The following CTNNA2 variants were observed in gnomAD, a reference collection of about 807,000 sequenced individuals.
CTNNA2 encodes catenin alpha-2.
CTNNA2 carries 42 observed loss-of-function variants against 101.0 expected under a neutral mutation model. That is an observed-to-expected ratio of 0.42 (90% CI 0.32 to 0.54). The LOEUF (loss-of-function observed/expected upper bound fraction) is 0.54, where lower values mean the gene tolerates loss of function less well. Ranked by LOEUF, CTNNA2 falls within the 20% of genes least tolerant of loss-of-function variation. The probability of loss-of-function intolerance (pLI) is 0.14; values close to 1 mark genes in which losing one functional copy is unlikely to be tolerated. For missense variants in CTNNA2, 871 were observed against 1,223.1 expected (o/e 0.71, Z 4.29); for synonymous variants, 450 against 456.4 (o/e 0.99, Z 0.18).
At chr2:80,384,981 G>C (rs954253076) in intron 7 of CTNNA2, among the ~76,000 whole-genome samples, 1 of 152,084 alleles carries the variant, frequency 6.6e-6, no homozygotes, top group Non-Finnish European at 1.5e-5. Flanking sequence ...GTAACCCATG[G>C]ATAGAAACTT....
intron 7 of CTNNA2, among the ~76,000 whole-genome samples, chr2:80,092,886 C>G (rs1699874020): frequency 6.6e-6 from 1 of 151,988 alleles, no homozygotes; most frequent in Non-Finnish European, 1.5e-5. Context: ...TTGTAAAACT[C>G]AAATCTTCAT....
intron 3 of CTNNA2, among the ~76,000 whole-genome samples, chr2:79,783,287 A>G (rs555956763): frequency 2.8e-4 from 42 of 152,144 alleles, no homozygotes; most frequent in Admixed American, 9.8e-4. Flanking sequence ...GACCTTTGTG[A>G]CTCAACCAAT....
intron 7 of CTNNA2, among the ~76,000 whole-genome samples, chr2:80,120,194 C>T (rs1701754366): frequency 6.6e-6 from 1 of 152,168 alleles, no homozygotes; most frequent in African/African-American, 2.4e-5. Context: ...TGATGACAGT[C>T]AATAGACTTT....
At chr2:80,157,715 A>G (rs1052248732) in intron 7 of CTNNA2, among the ~76,000 whole-genome samples, 1 of 152,142 alleles carries the variant, frequency 6.6e-6, no homozygotes, top group African/African-American at 2.4e-5. Context: ...ACCACAGAGA[A>G]AAAACAGACA....
chr2:80,501,902 G>A (rs1687911136), intron 9 of CTNNA2, among the ~76,000 whole-genome samples: 1 of 152,164 alleles, frequency 6.6e-6, no homozygotes, highest in Admixed American at 6.5e-5. Context: ...TGGGGTACCA[G>A]TACTGTTCAG....
intron 2 of CTNNA2, among the ~76,000 whole-genome samples, chr2:79,699,008 A>G (rs750044152): frequency 3.9e-5 from 6 of 152,034 alleles, no homozygotes; most frequent in African/African-American, 7.2e-5. Context: ...GGTGACCAGG[A>G]TTTTTGGTGA....
intron 12 of CTNNA2, among the ~76,000 whole-genome samples, chr2:80,566,892 G>A (rs1463378886): frequency 6.6e-6 from 1 of 152,198 alleles, no homozygotes; most frequent in African/African-American, 2.4e-5. Context: ...AATTGAAGAA[G>A]CTCTTTAGCC....
intron 2 of CTNNA2, among the ~76,000 whole-genome samples, chr2:79,243,017 C>CAT: frequency 6.8e-6 from 1 of 146,488 alleles, no homozygotes; most frequent in African/African-American, 2.5e-5. Context: ...CACACACACA[C>CAT]ACACACACAC....
chr2:80,623,558 A>G (rs924790002), intron 18 of CTNNA2, among the ~76,000 whole-genome samples: 1 of 151,984 alleles, frequency 6.6e-6, no homozygotes, highest in Non-Finnish European at 1.5e-5. Flanking sequence ...TTGGACATCA[A>G]AGAAATTCTT....
At chr2:79,279,427 C>T (rs114232039) in intron 2 of CTNNA2, among the ~76,000 whole-genome samples, 1,609 of 152,110 alleles carry the variant, frequency 0.011, 22 homozygotes, top group African/African-American at 0.036. Flanking sequence ...ATGGGGTCTG[C>T]GCAGGTGAGT....
chr2:80,298,633 T>TCAAAA (rs1329345836), intron 7 of CTNNA2: 10 of 152,252 alleles, frequency 6.6e-5, no homozygotes, highest in Non-Finnish European at 1.3e-4. Context: ...TTACATATAC[T>TCAAAA]CATAAATGTG....
intron 1 of CTNNA2, among the ~76,000 whole-genome samples, chr2:79,520,165 A>T (rs1672027922): frequency 6.6e-6 from 1 of 152,232 alleles, no homozygotes; most frequent in Non-Finnish European, 1.5e-5. Flanking sequence ...TTAAGTGAAT[A>T]CTTTGTTGTG....
At chr2:79,731,651 G>A (rs576056315) in intron 2 of CTNNA2, among the ~76,000 whole-genome samples, 1 of 152,158 alleles carries the variant, frequency 6.6e-6, no homozygotes, top group South Asian at 2.1e-4. Context: ...CATTGCTAGT[G>A]GAGGCTTGGT....
intron 1 of CTNNA2, among the ~76,000 whole-genome samples, chr2:79,197,088 G>A (rs1673971222): frequency 6.6e-6 from 1 of 152,154 alleles, no homozygotes; most frequent in Non-Finnish European, 1.5e-5. Context: ...TTCAAAGCTT[G>A]AAACATGCAA....
At position 80,469,019 on chromosome 2, in the gene CTNNA2, G is replaced by A. The variant is rs548893336; in HGVS notation, c.1290+49418G>A. On this transcript the variant is annotated intron_variant, in intron 9 of 18. Transcript: ENST00000402739. ...TGAAGCAGGTGTCAGGAGGCAGGACGGAGGTGTTGAAGGTGCTGAAGGTGC... is the reference window on the plus strand; with the variant it reads ...TGAAGCAGGTGTCAGGAGGCAGGACAGAGGTGTTGAAGGTGCTGAAGGTGC... Among the ~76,000 whole-genome samples the A allele has an allele frequency of 5.9e-5, 9 of 152,250 alleles. No individual in the cohort carries two copies. In the South Asian group the frequency reaches 1.5e-3, roughly 25 times the overall value.
At chr2:80,599,571 C>G (rs1320692486) in intron 15 of CTNNA2, among the ~76,000 whole-genome samples, 2 of 152,094 alleles carry the variant, frequency 1.3e-5, no homozygotes, top group Admixed American at 6.6e-5. Flanking sequence ...TATTTCCCTT[C>G]TCTTCTGTTC....
chr2:79,905,008 T>A (rs934146251), intron 6 of CTNNA2, among the ~76,000 whole-genome samples: 1 of 152,194 alleles, frequency 6.6e-6, no homozygotes, highest in African/African-American at 2.4e-5. Flanking sequence ...GGAGATCAAT[T>A]ATGTGAGACT....
At chr2:79,773,482 TGAC>T (rs1673737768) in intron 3 of CTNNA2, among the ~76,000 whole-genome samples, 1 of 152,080 alleles carries the variant, frequency 6.6e-6, no homozygotes, top group South Asian at 2.1e-4. Flanking sequence ...CACAGGTAGG[TGAC>T]AGAAAAATGG....
rs997753089 is a variant in CTNNA2 at position 80,230,370 on chromosome 2, G to C, written c.1057-162841G>C. ...CTTGGTCTCCCAAAGTGGTAGGATT[G>C]TAGGTGTAAGCCACTGCACTGGTCT... On this transcript the variant is annotated intron_variant, in intron 7 of 18. Transcript: ENST00000402739. 1.7e-4 allele frequency among the ~76,000 whole-genome samples: 25 copies of C among 149,938 alleles called. No homozygotes were observed. In the Admixed American group the frequency reaches 1.7e-3, roughly 10 times the overall value.
Sources: gnomAD v4.1 joint callset for allele counts (sites outside exome capture counted in the v4.1 genomes callset) on GRCh38, gnomAD v4.1.1 for gene constraint, MANE v1.5 for transcripts, NCBI Gene and HGNC (gene_info 2026-07-23, HGNC 2026-07-21) for gene names.